Variants in PARD6G observed in about 807,000 individuals in gnomAD.
The protein encoded by PARD6G is par-6 family cell polarity regulator gamma.
Under a neutral mutation model 10.7 loss-of-function variants are expected in PARD6G, and 7 were observed. The observed-to-expected ratio is 0.66, with a 90% CI of 0.37 to 1.23. The LOEUF (loss-of-function observed/expected upper bound fraction) is 1.23. PARD6G is among the 50% of genes most tolerant of loss of function. The pLI is 0.02. For synonymous variants in PARD6G, 287 were observed against 269.4 expected (o/e 1.07, Z -0.64); for missense variants, 548 against 571.8 (o/e 0.96, Z 0.42).
intron 2 of PARD6G, among the ~76,000 whole-genome samples, chr18:80,172,603 T>C (rs1374991551): frequency 6.6e-6 from 1 of 152,212 alleles, no homozygotes; most frequent in Non-Finnish European, 1.5e-5. Context: ...CAGGCTGGTC[T>C]TGAACTCCTG....
chr18:80,202,939 T>G lies in PARD6G; in HGVS notation c.73-7A>C, dbSNP rs1967022867. 5.0e-6 allele frequency: 3 copies of G among 603,400 alleles called. No homozygotes were observed. Among genetic ancestry groups the G allele is most frequent in the Non-Finnish European group, 8.2e-6 (3 of 364,494 alleles). The allele number at this position is 603,400 out of a possible 1,614,324, so 37.4% of individuals were successfully genotyped here. ...TTCGGAATTCCGCCCCAAACTACAATGCAAGAGACGGGGTGGGGGGAGGGG... is the reference window on the plus strand; with the variant it reads ...TTCGGAATTCCGCCCCAAACTACAAGGCAAGAGACGGGGTGGGGGGAGGGG... On this transcript the variant is annotated splice_polypyrimidine_tract_variant and splice_region_variant and intron_variant, in intron 1 of 2. Transcript: ENST00000353265.
chr18:80,225,017 C>T (rs1342105130), intron 1 of PARD6G, among the ~76,000 whole-genome samples: 1 of 152,144 alleles, frequency 6.6e-6, no homozygotes, highest in East Asian at 1.9e-4. Context: ...CCACTGAAAA[C>T]ATAGTCCCCT....
chr18:80,214,513 GAT>G (rs1022894917), intron 1 of PARD6G, among the ~76,000 whole-genome samples: 1 of 152,012 alleles, frequency 6.6e-6, no homozygotes, highest in African/African-American at 2.4e-5. Flanking sequence ...CCAATGAAGA[GAT>G]AACAATTATA....
chr18:80,206,701 T>C (rs1449455561), intron 1 of PARD6G, among the ~76,000 whole-genome samples: 2 of 152,228 alleles, frequency 1.3e-5, no homozygotes, highest in African/African-American at 4.8e-5. Flanking sequence ...TTCACAGTGT[T>C]GACACCCAAC....
chr18:80,233,809 A>C (rs1216485250), intron 1 of PARD6G, among the ~76,000 whole-genome samples: 1 of 152,094 alleles, frequency 6.6e-6, no homozygotes, highest in Non-Finnish European at 1.5e-5. Flanking sequence ...AAAAAGAGAG[A>C]TCTCACACCT....
chr18:80,232,552 GA>G (rs1244539971), intron 1 of PARD6G, among the ~76,000 whole-genome samples: 3 of 152,152 alleles, frequency 2.0e-5, no homozygotes. Context: ...AAAACCATCA[GA>G]TCTCATGAGA....
At chr18:80,216,198 A>G (rs1444440248) in intron 1 of PARD6G, among the ~76,000 whole-genome samples, 4 of 152,142 alleles carry the variant, frequency 2.6e-5, no homozygotes, top group Non-Finnish European at 5.9e-5. Context: ...TAATATCCCA[A>G]TTTTTATAAT....
At chr18:80,169,860 C>T (rs1200332390) in intron 2 of PARD6G, 2 of 152,192 alleles carry the variant, frequency 1.3e-5, no homozygotes, top group African/African-American at 4.8e-5. Flanking sequence ...GCCATGGCCT[C>T]ACCTGCTCAC....
At position 80,202,697 on chromosome 18, in the gene PARD6G, A is replaced by G. The variant is rs1286856032; in HGVS notation, c.295+13T>C. ...CTCAACAAGACCAGCCGGCCACTCA[A>G]CCACTTCAGTACCTCGTTTCTGGAT... is the stretch of plus-strand genomic sequence containing the variant. On this transcript the variant is annotated intron_variant, in intron 2 of 2. Coordinates refer to ENST00000353265, the MANE Select transcript of PARD6G (RefSeq NM_032510.4). 1.2e-6 allele frequency: 2 copies of G among 1,608,712 alleles called. No individual in the cohort carries two copies. The highest frequency in any genetic ancestry group is 4.5e-5 in the East Asian group (2 of 44,832).
intron 1 of PARD6G, among the ~76,000 whole-genome samples, chr18:80,241,899 C>T (rs190878835): frequency 1.3e-5 from 2 of 152,310 alleles, no homozygotes; most frequent in African/African-American, 2.4e-5. Context: ...GATGCCTCTC[C>T]CCTTTGTACT....
At chr18:80,167,650 G>A (rs945224776) in intron 2 of PARD6G, among the ~76,000 whole-genome samples, 4 of 152,084 alleles carry the variant, frequency 2.6e-5, no homozygotes, top group South Asian at 4.1e-4. Context: ...CTCCCCCAGC[G>A]TCTCTGATGC....
At chr18:80,191,167 G>A (rs1038434315) in intron 2 of PARD6G, among the ~76,000 whole-genome samples, 4 of 152,202 alleles carry the variant, frequency 2.6e-5, no homozygotes, top group Admixed American at 2.0e-4. Flanking sequence ...GGTCAGTGAA[G>A]GCTTATTCAA....
intron 2 of PARD6G, among the ~76,000 whole-genome samples, chr18:80,185,618 C>A (rs1289658801): frequency 1.3e-5 from 2 of 151,746 alleles, no homozygotes; most frequent in African/African-American, 4.8e-5. Context: ...GCTCCCACAC[C>A]CACACACACA....
At chr18:80,173,095 T>G (rs1277258827) in intron 2 of PARD6G, among the ~76,000 whole-genome samples, 1 of 152,186 alleles carries the variant, frequency 6.6e-6, no homozygotes, top group Non-Finnish European at 1.5e-5. Context: ...ATTAGTTGTC[T>G]GGAACCAGCA....
chr18:80,194,321 A>C (rs974994352), intron 2 of PARD6G, among the ~76,000 whole-genome samples: 2 of 152,210 alleles, frequency 1.3e-5, no homozygotes, highest in Non-Finnish European at 2.9e-5. Flanking sequence ...ACGTAAATAA[A>C]GGTGCCAAAT....
At chr18:80,225,348 A>G (rs558037434) in intron 1 of PARD6G, among the ~76,000 whole-genome samples, 104 of 152,312 alleles carry the variant, frequency 6.8e-4, no homozygotes, top group Non-Finnish European at 1.3e-3. Context: ...GCTCCTGGCC[A>G]TTTCCATCAC....
At position 80,160,029 on chromosome 18, in the gene PARD6G, G is replaced by C. The variant is rs1218338179; in HGVS notation, c.873C>G (p.Asp291Glu). The C allele has an allele frequency of 5.9e-6, 9 of 1,536,644 alleles. No homozygotes were observed. The highest frequency in any genetic ancestry group is 1.7e-4 in the Middle Eastern group (1 of 5,788). Residue 291 changes from aspartate (D) to glutamate (E), a missense_variant, in exon 3 of 3, where the codon GAC becomes GAG. Transcript: ENST00000353265. ...CGTTGTCCTCATCGCTCTCCGCCTC[G>C]TCGGGGTGGAAGTTCTGCAGGACGC... ...APRVLQNFHP[D>E]EAESDEDNDV...
Position 80,188,854 on chromosome 18 carries a change from C to T in PARD6G, c.295+13856G>A, listed in dbSNP as rs1458296068. On this transcript the variant is annotated intron_variant, in intron 2 of 2. Transcript: ENST00000353265. The surrounding 1 kb of genome is among the most constrained non-coding windows in gnomAD (Gnocchi z 5.4). The stretch of plus-strand genomic sequence containing the variant: ...GCGGGGAAGTCAGGCGGGTGCAATC[C>T]CTACCGTTTCCCCACGTTCGTGAGG... Among the ~76,000 whole-genome samples the T allele has an allele frequency of 6.6e-6, 1 of 152,176 alleles. No individual in the cohort carries two copies. Among genetic ancestry groups the T allele is most frequent in the Non-Finnish European group, 1.5e-5 (1 of 68,034 alleles).
chr18:80,159,818 G>A lies in PARD6G; in HGVS notation c.1084C>T (p.Leu362=). The change falls in exon 3 of 3, where the codon CTG becomes TTG. Residue 362 remains leucine (L), a synonymous_variant. Coordinates refer to ENST00000353265, the MANE Select transcript of PARD6G (RefSeq NM_032510.4). ...LRADPRHSLA[L]PPGGVEEHGP... ...TGCTCCTCCACGCCGCCTGGCGGCA[G>A]CGCCAGGCTGTGACGGGGGTCGGCC... 1 of 1,479,374 alleles carries A rather than the reference G, an allele frequency of 6.8e-7. No individual in the cohort carries two copies. Among genetic ancestry groups the A allele is most frequent in the South Asian group, 1.3e-5 (1 of 74,124 alleles). The allele number at this position is 1,479,374 out of a possible 1,614,324, so 91.6% of individuals were successfully genotyped here.
Sources: allele counts gnomAD v4.1 joint callset (sites outside exome capture counted in the v4.1 genomes callset), GRCh38; gene constraint gnomAD v4.1.1; non-coding constraint Gnocchi (gnomAD v3.1); transcripts MANE v1.5; gene names NCBI Gene and HGNC (gene_info 2026-07-23, HGNC 2026-07-21).